CCDC149: variants seen among roughly 807,000 people sequenced by gnomAD.
CCDC149 encodes the protein coiled-coil domain-containing protein 149.
In CCDC149, 45 loss-of-function variants were observed where a neutral mutation model predicts 59.9. The observed-to-expected ratio is 0.75, with a 90% CI of 0.59 to 0.96. CCDC149 has a LOEUF of 0.96. CCDC149 is among the 40% of genes least tolerant of loss of function. The pLI, the probability that CCDC149 is intolerant of heterozygous loss-of-function variation, is 0.00. For synonymous variants in CCDC149, 245 were observed against 260.6 expected (o/e 0.94, Z 0.58); for missense variants, 584 against 664.7 (o/e 0.88, Z 1.33).
chr4:24,882,711 G>A (rs1230072846), intron 1 of CCDC149, among the ~76,000 whole-genome samples: 2 of 152,146 alleles, frequency 1.3e-5, no homozygotes, highest in African/African-American at 4.8e-5. Context: ...GACTCTGCCA[G>A]GGATGACATA....
intron 12 of CCDC149, among the ~76,000 whole-genome samples, chr4:24,812,193 C>T (rs1156932199): frequency 6.6e-6 from 1 of 152,182 alleles, no homozygotes; most frequent in Non-Finnish European, 1.5e-5. Flanking sequence ...TATAAGGTAA[C>T]ATTTACAGGT....
chr4:24,879,281 C>T (rs1049189922), intron 1 of CCDC149, among the ~76,000 whole-genome samples: 6 of 151,496 alleles, frequency 4.0e-5, no homozygotes, highest in African/African-American at 7.3e-5. Flanking sequence ...TTTGGGAGGC[C>T]GAGGTGGGCA....
intron 1 of CCDC149, among the ~76,000 whole-genome samples, chr4:24,910,452 G>A (rs1182045228): frequency 6.6e-6 from 1 of 152,106 alleles, no homozygotes; most frequent in South Asian, 2.1e-4. Flanking sequence ...GTGGGGAGGT[G>A]GGGGGAGCAG....
At chr4:24,892,041 G>A (rs990363361) in intron 1 of CCDC149, among the ~76,000 whole-genome samples, 4 of 152,080 alleles carry the variant, frequency 2.6e-5, no homozygotes, top group African/African-American at 7.2e-5. Flanking sequence ...TAGTCATCAG[G>A]ATCATCATAA....
intron 1 of CCDC149, among the ~76,000 whole-genome samples, chr4:24,944,293 G>A (rs1368604586): frequency 2.6e-5 from 4 of 151,874 alleles, no homozygotes; most frequent in African/African-American, 4.8e-5. Context: ...GCAAACTATC[G>A]CAAGGACTAA....
At chr4:24,950,586 T>C (rs549713391) in intron 1 of CCDC149, among the ~76,000 whole-genome samples, 2 of 152,340 alleles carry the variant, frequency 1.3e-5, no homozygotes, top group East Asian at 3.9e-4. Flanking sequence ...AACCCTGCCA[T>C]GAGCCAGCTC....
At chr4:24,854,312 C>A (rs1004696802) in intron 3 of CCDC149, among the ~76,000 whole-genome samples, 6 of 152,238 alleles carry the variant, frequency 3.9e-5, no homozygotes, top group African/African-American at 1.2e-4. Context: ...GAAGAGACTG[C>A]AAACTACTGA....
At chr4:24,815,562 A>G (rs942026606) in intron 12 of CCDC149, among the ~76,000 whole-genome samples, 10 of 152,228 alleles carry the variant, frequency 6.6e-5, no homozygotes, top group African/African-American at 2.4e-4. Flanking sequence ...ACTTAATAGT[A>G]TATTCTAGTC....
intron 1 of CCDC149, among the ~76,000 whole-genome samples, chr4:24,967,694 G>A (rs1723839731): frequency 6.6e-6 from 1 of 150,958 alleles, no homozygotes; most frequent in South Asian, 2.1e-4. Flanking sequence ...ATGTCCAGAA[G>A]GGGTCTAGCT....
At chr4:24,963,212 C>T (rs1723695015) in intron 1 of CCDC149, among the ~76,000 whole-genome samples, 1 of 151,882 alleles carries the variant, frequency 6.6e-6, no homozygotes, top group Non-Finnish European at 1.5e-5. Flanking sequence ...ATCTAATTTA[C>T]CATCTTCTGC....
At position 24,806,581 on chromosome 4, in the gene CCDC149, G is replaced by A. The variant is rs1449025693; in HGVS notation, c.*1808C>T. On this transcript the variant is annotated 3_prime_UTR_variant, in exon 13 of 13. Coordinates refer to ENST00000635206, the MANE Select transcript of CCDC149 (RefSeq NM_001330643.2). ...TCCTATGCAGTAGTGCTGGACATTT[G>A]CAGGCAGTTAAGGCCCAGTACAGCA... 2 of 152,258 alleles carry A rather than the reference G, an allele frequency of 1.3e-5. No individual in the cohort carries two copies. Among genetic ancestry groups the A allele is most frequent in the East Asian group, 3.8e-4 (2 of 5,198 alleles). 9.4% of individuals were successfully genotyped at this position (152,258 alleles called of 1,614,324 possible).
intron 1 of CCDC149, among the ~76,000 whole-genome samples, chr4:24,942,281 A>G (rs1722977228): frequency 1.3e-5 from 2 of 152,304 alleles, no homozygotes; most frequent in South Asian, 2.1e-4. Flanking sequence ...TATAAACAGA[A>G]CCAAAGACAA....
chr4:24,948,728 G>C (rs1028185835), intron 1 of CCDC149, among the ~76,000 whole-genome samples: 1 of 152,132 alleles, frequency 6.6e-6, no homozygotes, highest in African/African-American at 2.4e-5. Flanking sequence ...GATATGGTTT[G>C]GCTGTGTCCC....
At chr4:24,872,204 T>C (rs961908103) in intron 3 of CCDC149, among the ~76,000 whole-genome samples, 3 of 152,172 alleles carry the variant, frequency 2.0e-5, no homozygotes, top group Non-Finnish European at 2.9e-5. Flanking sequence ...TATATAAGGA[T>C]TTGATGATAA....
At chr4:24,915,153 G>A (rs1722089080), upstream of CCDC149, among the ~76,000 whole-genome samples, 1 of 152,266 alleles carries the variant, frequency 6.6e-6, no homozygotes, top group Non-Finnish European at 1.5e-5. Flanking sequence ...TCCTTGAGCT[G>A]AATGTCTAGA....
In CCDC149 at chr4:24,941,945, A is replaced by G. The variant is rs1228195181; in HGVS notation, c.-65+38124T>C. ...AAAAAGTCCAGGACCAGATGGATTC[A>G]CAGCCGAATTCTACCAGAGGTACAA... On this transcript the variant is annotated intron_variant, in intron 1 of 12. Transcript: ENST00000389609. Among the ~76,000 whole-genome samples, 6 of 152,386 alleles carry G rather than the reference A, an allele frequency of 3.9e-5. No homozygotes were observed. In the East Asian group the frequency reaches 1.2e-3, roughly 29 times the overall value.
chr4:24,881,111 A>C (rs989628075), intron 1 of CCDC149, among the ~76,000 whole-genome samples: 2 of 152,232 alleles, frequency 1.3e-5, no homozygotes, highest in Non-Finnish European at 2.9e-5. Flanking sequence ...GAGTATTTCC[A>C]GAATCTCTGG....
chr4:24,846,878 C>A (rs1356008016), intron 4 of CCDC149, among the ~76,000 whole-genome samples: 6 of 152,144 alleles, frequency 3.9e-5, no homozygotes, highest in Admixed American at 3.3e-4. Flanking sequence ...TATTATTGGT[C>A]CTCTGCATGA....
chr4:24,905,959 G>C (rs1378331300), intron 1 of CCDC149, among the ~76,000 whole-genome samples: 2 of 152,068 alleles, frequency 1.3e-5, no homozygotes, highest in African/African-American at 4.8e-5. Context: ...CCATGGGCTG[G>C]GACACAAATG....
Sources: allele counts gnomAD v4.1 joint callset (sites outside exome capture counted in the v4.1 genomes callset), GRCh38; gene constraint gnomAD v4.1.1; transcripts MANE v1.5; gene names NCBI Gene and HGNC (gene_info 2026-07-23, HGNC 2026-07-21).